CACNA1C: variants seen among roughly 807,000 people sequenced by gnomAD.
CACNA1C encodes the protein voltage-dependent L-type calcium channel subunit alpha-1C.
A neutral mutation model predicts 229.0 loss-of-function variants in CACNA1C; 30 were observed. The observed-to-expected ratio is 0.13, with a 90% CI of 0.10 to 0.18. The LOEUF (loss-of-function observed/expected upper bound fraction) is 0.18, where lower values mean the gene tolerates loss of function less well. CACNA1C is among the 10% of genes least tolerant of loss of function. CACNA1C has a pLI of 1.00. For missense variants in CACNA1C, 1,658 were observed against 2,845.0 expected (o/e 0.58, Z 9.49); for synonymous variants, 1,114 against 1,132.5 (o/e 0.98, Z 0.33).
intron 1 of CACNA1C, among the ~76,000 whole-genome samples, chr12:1,997,149 A>G (rs891361394): frequency 5.9e-5 from 9 of 152,236 alleles, no homozygotes; most frequent in Admixed American, 4.6e-4. Context: ...TCTATCCTGA[A>G]ACATATTCTA....
At chr12:2,135,853 C>A (rs1432135916) in intron 3 of CACNA1C, among the ~76,000 whole-genome samples, 4 of 147,680 alleles carry the variant, frequency 2.7e-5, no homozygotes, top group Non-Finnish European at 4.4e-5. Flanking sequence ...AGCTTCCCGG[C>A]TGCTTTGTTT....
At chr12:2,572,617 C>T (rs2154593921) in intron 13 of CACNA1C, among the ~76,000 whole-genome samples, 1 of 128,366 alleles carries the variant, frequency 7.8e-6, no homozygotes, top group East Asian at 2.5e-4. Context: ...TTCTCCTCTT[C>T]CTCCTCCTCC....
chr12:2,672,688 GC>G (rs2096618103), intron 38 of CACNA1C, among the ~76,000 whole-genome samples: 1 of 152,128 alleles, frequency 6.6e-6, no homozygotes, highest in Non-Finnish European at 1.5e-5. Context: ...TGGACTTAGG[GC>G]CCACCCTCAT....
chr12:2,152,973 G>C lies in CACNA1C; in HGVS notation c.477+32543G>C, dbSNP rs2095363711. 6.6e-6 allele frequency among the ~76,000 whole-genome samples: 1 copy of C among 152,138 alleles called. No individual in the cohort carries two copies. The stretch of plus-strand genomic sequence containing the variant: ...GAAAAATTAAAATTGGGAGGTGAAA[G>C]CTCAAGGAGGTAGTTACAAAGCAAA... On this transcript the variant is annotated intron_variant, in intron 3 of 46. Coordinates refer to ENST00000399655, the MANE Select transcript of CACNA1C (RefSeq NM_000719.7). The surrounding 1 kb of genome is among the most constrained non-coding windows in gnomAD (Gnocchi z 4.2).
intron 1 of CACNA1C, among the ~76,000 whole-genome samples, chr12:2,060,753 A>G (rs1299590002): frequency 6.6e-6 from 1 of 152,238 alleles, no homozygotes; most frequent in African/African-American, 2.4e-5. Context: ...ACTCGGCTAC[A>G]CTTGGTGTTG....
At chr12:2,382,703 TC>T in intron 3 of CACNA1C, among the ~76,000 whole-genome samples, 1 of 152,290 alleles carries the variant, frequency 6.6e-6, no homozygotes, top group South Asian at 2.1e-4. Flanking sequence ...AAGCAAATGT[TC>T]CTGAACTGGC....
chr12:2,392,047 A>G (rs1265891388), intron 3 of CACNA1C, among the ~76,000 whole-genome samples: 1 of 152,162 alleles, frequency 6.6e-6, no homozygotes, highest in Non-Finnish European at 1.5e-5. Flanking sequence ...GGAACTTAGT[A>G]GAGTATATAA....
rs1567526127 is a variant in CACNA1C at position 2,410,787 on chromosome 12, CT to C, written c.478-38188del. On this transcript the variant is annotated intron_variant, in intron 3 of 46. Transcript: ENST00000399655. The surrounding 1 kb of genome is among the most constrained non-coding windows in gnomAD (Gnocchi z 5.3). Reference sequence around the variant, plus strand: ...GACTCTAGTTGTCAGGATGGCTCCCCTGTGTGTGTATATGTGTGTGTGTGCG... The same window carrying C: ...GACTCTAGTTGTCAGGATGGCTCCCCGTGTGTGTATATGTGTGTGTGTGCG... Among the ~76,000 whole-genome samples the C allele has an allele frequency of 1.4e-5, 2 of 143,840 alleles. No individual in the cohort carries two copies. Among genetic ancestry groups the C allele is most frequent in the Non-Finnish European group, 3.0e-5 (2 of 66,400 alleles). 94.4% of individuals were successfully genotyped at this position (143,840 alleles called of 152,430 possible).
chr12:2,503,907 C>T (rs2099765975), intron 7 of CACNA1C, among the ~76,000 whole-genome samples: 1 of 152,210 alleles, frequency 6.6e-6, no homozygotes, highest in Admixed American at 6.5e-5. Flanking sequence ...GGGGTTTAGC[C>T]TCTAACTTCC....
chr12:2,428,230 T>A (rs4575333), intron 3 of CACNA1C, among the ~76,000 whole-genome samples: 43,121 of 152,130 alleles, frequency 0.28, 7,036 homozygotes, highest in Middle Eastern at 0.37. Context: ...CCACCCTCTG[T>A]GCCATCCCTA....
intron 1 of CACNA1C, among the ~76,000 whole-genome samples, chr12:1,972,179 C>A (rs1172787728): frequency 6.6e-6 from 1 of 152,348 alleles, no homozygotes; most frequent in Non-Finnish European, 1.5e-5. Context: ...ATTACACAAA[C>A]CTCTTCTGGG....
At position 2,214,543 on chromosome 12, in the gene CACNA1C, G is replaced by T. The variant is rs76887722; in HGVS notation, c.477+94113G>T. Among the ~76,000 whole-genome samples the T allele has an allele frequency of 7.0e-3, 1,070 of 151,938 alleles. 11 individuals are homozygous for T. Among genetic ancestry groups the T allele is most frequent in the African/African-American group, 0.025 (1,032 of 41,358 alleles). ...AAGAAGGAAACTGAAGCATGGAGAG[G>T]TTGAGCAACTGCCAAGGTCGCTGGA... is the stretch of plus-strand genomic sequence containing the variant. On this transcript the variant is annotated intron_variant, in intron 3 of 46. Coordinates refer to ENST00000399655, the MANE Select transcript of CACNA1C (RefSeq NM_000719.7).
intron 3 of CACNA1C, among the ~76,000 whole-genome samples, chr12:2,263,747 G>C (rs2081256303): frequency 6.6e-6 from 1 of 152,074 alleles, no homozygotes; most frequent in Admixed American, 6.5e-5. Context: ...ATCTTGGCTT[G>C]AGTGAATGGA....
intron 9 of CACNA1C, among the ~76,000 whole-genome samples, chr12:2,516,294 T>C (rs1055381665): frequency 6.7e-6 from 1 of 150,276 alleles, no homozygotes; most frequent in Non-Finnish European, 1.5e-5. Flanking sequence ...AGTAAGGGGG[T>C]GAATGGTGTA....
Position 2,679,502 on chromosome 12 carries a change from C to G in CACNA1C, c.5150C>G (p.Ala1717Gly), listed in dbSNP as rs201492706. 5.9e-4 allele frequency: 946 copies of G among 1,609,272 alleles called. 5 individuals carry two copies. The Middle Eastern group carries it at 8.1e-3, about 14-fold the overall frequency. ...VSYYQSDGRS[A>G]FPQTFTTQRP... ...TACTACCAAAGCGACGGCCGGAGCG[C>G]CTTCCCCCAGACCTTCACCACTCAG... Residue 1717 changes from alanine (A) to glycine (G), a missense_variant, in exon 42 of 47, where the codon GCC becomes GGC. Ala to Gly is a moderately conservative substitution (Grantham distance 60). Coordinates refer to ENST00000399655, the MANE Select transcript of CACNA1C (RefSeq NM_000719.7). The surrounding 1 kb of genome is among the most constrained non-coding windows in gnomAD (Gnocchi z 5.5).
intron 1 of CACNA1C, among the ~76,000 whole-genome samples, chr12:2,037,082 T>G (rs190029490): frequency 1.3e-5 from 2 of 152,200 alleles, no homozygotes; most frequent in African/African-American, 4.8e-5. Context: ...GTTACCTTGC[T>G]TTAGGGGGCA....
chr12:1,989,776 T>C (rs925862112), intron 1 of CACNA1C, among the ~76,000 whole-genome samples: 1 of 152,214 alleles, frequency 6.6e-6, no homozygotes, highest in Non-Finnish European at 1.5e-5. Flanking sequence ...TTAAGTATTA[T>C]ATTTGGGAAA....
chr12:2,269,390 G>A (rs931442163), intron 3 of CACNA1C, among the ~76,000 whole-genome samples: 5 of 152,336 alleles, frequency 3.3e-5, no homozygotes, highest in African/African-American at 9.6e-5. Flanking sequence ...GGGAGTGACA[G>A]TGAAGTTCCT....
chr12:2,097,231 C>T lies in CACNA1C; in HGVS notation c.50-17993C>T, dbSNP rs552010036. Among the ~76,000 whole-genome samples, 23 of 152,164 alleles carry T rather than the reference C, an allele frequency of 1.5e-4. No homozygotes were observed. In the East Asian group the frequency reaches 3.5e-3, roughly 23 times the overall value. On this transcript the variant is annotated intron_variant, in intron 1 of 46. Transcript: ENST00000399655. ...CGCGATCTCGGCTCACTGCAAGCTC[C>T]GCCTCCCAGGTTCACACCATTCTCC...
Sources: gnomAD v4.1 joint callset for allele counts (sites outside exome capture counted in the v4.1 genomes callset) on GRCh38, gnomAD v4.1.1 for gene constraint, Gnocchi (gnomAD v3.1) non-coding constraint, MANE v1.5 for transcripts, NCBI Gene and HGNC (gene_info 2026-07-23, HGNC 2026-07-21) for gene names.